ABTB2: variants seen among roughly 807,000 people sequenced by gnomAD.
ABTB2 encodes the protein ankyrin repeat and BTB/POZ domain-containing protein 2.
In ABTB2, 56 loss-of-function variants were observed where a neutral mutation model predicts 104.1. The observed-to-expected ratio is 0.54, with a 90% confidence interval of 0.43 to 0.67. ABTB2 has a LOEUF of 0.67. ABTB2 is among the 30% of genes least tolerant of loss of function. ABTB2 has a pLI of 0.00. For synonymous variants in ABTB2, 606 were observed against 608.2 expected, an observed-to-expected ratio of 1.00 and a Z score of 0.05; for missense variants, 1,279 against 1,407.7, an observed-to-expected ratio of 0.91 and a Z score of 1.46.
intron 1 of ABTB2, among the ~76,000 whole-genome samples, chr11:34,237,757 G>C (rs147319025): frequency 6.6e-6 from 1 of 152,290 alleles, no homozygotes; most frequent in East Asian, 1.9e-4. Context: ...TGGGCATAGT[G>C]GTGGGCGCCT....
intron 10 of ABTB2, among the ~76,000 whole-genome samples, chr11:34,162,267 C>T (rs1238701825): frequency 2.0e-5 from 3 of 152,228 alleles, no homozygotes; most frequent in South Asian, 2.1e-4. Flanking sequence ...TGCTCGACAT[C>T]CCTGGGCTGT....
At chr11:34,188,758 C>T (rs1249738100) in intron 3 of ABTB2, among the ~76,000 whole-genome samples, 3 of 152,216 alleles carry the variant, frequency 2.0e-5, no homozygotes, top group Non-Finnish European at 2.9e-5. Context: ...AAAACACTTT[C>T]GCAAGCTGAG....
chr11:34,227,738 T>G (rs533878776), intron 1 of ABTB2, among the ~76,000 whole-genome samples: 34 of 152,294 alleles, frequency 2.2e-4, no homozygotes, highest in African/African-American at 7.5e-4. Flanking sequence ...TTTTCTTCTT[T>G]TTTTTTATTT....
At chr11:34,335,625 A>G in intron 1 of ABTB2, 4 of 1,500,556 alleles carry the variant, frequency 2.7e-6, no homozygotes, top group Non-Finnish European at 3.7e-6. Context: ...CAACAGGTGC[A>G]TCATTACCCT....
chr11:34,337,697 G>T (rs1454869161), intron 1 of ABTB2, among the ~76,000 whole-genome samples: 1 of 152,100 alleles, frequency 6.6e-6, no homozygotes, highest in Non-Finnish European at 1.5e-5. Flanking sequence ...GCTGTAGTGA[G>T]GATTCCACAA....
At chr11:34,156,115 C>G (rs1442550599) in intron 14 of ABTB2, among the ~76,000 whole-genome samples, 2 of 152,220 alleles carry the variant, frequency 1.3e-5, no homozygotes, top group Non-Finnish European at 2.9e-5. Context: ...CCCTTCCTGG[C>G]CTGGAAGGCT....
chr11:34,324,945 G>T (rs1343613017), intron 1 of ABTB2, among the ~76,000 whole-genome samples: 1 of 152,160 alleles, frequency 6.6e-6, no homozygotes, highest in Admixed American at 6.5e-5. Flanking sequence ...CACTGATTCG[G>T]TCACAGTTAG....
intron 1 of ABTB2, among the ~76,000 whole-genome samples, chr11:34,273,948 C>G (rs1281451428): frequency 6.6e-6 from 1 of 150,994 alleles, no homozygotes; most frequent in Non-Finnish European, 1.5e-5. Context: ...GTCAGGAGAT[C>G]GAGACCATCC....
intron 1 of ABTB2, among the ~76,000 whole-genome samples, chr11:34,332,256 A>ATT (rs2133117482): frequency 7.5e-6 from 1 of 132,906 alleles, no homozygotes; most frequent in African/African-American, 3.0e-5. Flanking sequence ...CACATCACAA[A>ATT]TTTGGAGCAT....
intron 1 of ABTB2, among the ~76,000 whole-genome samples, chr11:34,211,615 C>CA (rs1853480750): frequency 6.6e-6 from 1 of 152,010 alleles, no homozygotes; most frequent in East Asian, 1.9e-4. Context: ...ATAATCAAGC[C>CA]AGGCGTGGTG....
chr11:34,311,229 G>C (rs571895798), intron 1 of ABTB2, among the ~76,000 whole-genome samples: 14 of 152,212 alleles, frequency 9.2e-5, no homozygotes, highest in African/African-American at 3.4e-4. Flanking sequence ...CCTCCTAAGA[G>C]CTGCCACCTG....
chr11:34,289,543 C>T (rs911696972), intron 1 of ABTB2, among the ~76,000 whole-genome samples: 1 of 152,124 alleles, frequency 6.6e-6, no homozygotes, highest in Non-Finnish European at 1.5e-5. Flanking sequence ...TACTTGTAAG[C>T]AGCAGAGTTG....
intron 1 of ABTB2, among the ~76,000 whole-genome samples, chr11:34,239,019 C>T (rs1853880553): frequency 1.3e-5 from 2 of 152,184 alleles, no homozygotes; most frequent in African/African-American, 2.4e-5. Context: ...TCCCAGAGTG[C>T]TGGGATTACA....
intron 2 of ABTB2, among the ~76,000 whole-genome samples, chr11:34,197,810 T>C (rs1378718795): frequency 6.6e-6 from 1 of 152,190 alleles, no homozygotes; most frequent in Non-Finnish European, 1.5e-5. Context: ...GGTTTCTTTT[T>C]TGACATCCCC....
rs139024941 is a variant in ABTB2, at chr11:34,182,746, G to T, written c.1245-9439C>A. ...ACAATCAGGGCCTTCAGGAGTAATAGAAAAATGCAAACAGCTAACATTTCT... is the reference window on the plus strand; with the variant it reads ...ACAATCAGGGCCTTCAGGAGTAATATAAAAATGCAAACAGCTAACATTTCT... On this transcript the variant is annotated intron_variant, in intron 3 of 16. Coordinates refer to ENST00000435224, the MANE Select transcript of ABTB2 (RefSeq NM_145804.3). 3.4e-3 allele frequency among the ~76,000 whole-genome samples: 518 copies of T among 152,142 alleles called. 2 individuals carry two copies. Among genetic ancestry groups the T allele is most frequent in the African/African-American group, 0.012 (497 of 41,480 alleles).
intron 1 of ABTB2, among the ~76,000 whole-genome samples, chr11:34,289,458 A>C (rs75990470): frequency 6.6e-6 from 1 of 152,174 alleles, no homozygotes; most frequent in Non-Finnish European, 1.5e-5. Context: ...TGAAAACTCA[A>C]TTATCATTAT....
chr11:34,156,607 T>A (rs1852630966), intron 14 of ABTB2, among the ~76,000 whole-genome samples: 1 of 149,660 alleles, frequency 6.7e-6, no homozygotes, highest in Non-Finnish European at 1.5e-5. Context: ...CACCGCAACC[T>A]CCACCTCCTG....
chr11:34,339,072 A>T (rs998744903), intron 1 of ABTB2, among the ~76,000 whole-genome samples: 1 of 152,184 alleles, frequency 6.6e-6, no homozygotes, highest in Non-Finnish European at 1.5e-5. Flanking sequence ...TGTTTTATAT[A>T]CATTTTGCTA....
At position 34,162,576 on chromosome 11, in the gene ABTB2, C is replaced by A; in HGVS notation, c.2218G>T (p.Gly740Ter). The A allele has an allele frequency of 6.2e-7, 1 of 1,613,126 alleles. No homozygotes were observed. Among genetic ancestry groups the A allele is most frequent in the Non-Finnish European group, 8.5e-7 (1 of 1,179,712 alleles). The change falls in exon 10 of 17, where the codon GGA becomes TGA. Residue 740 changes from glycine to a stop codon, truncating the protein, a stop_gained and splice_region_variant. Coordinates refer to ENST00000435224, the MANE Select transcript of ABTB2 (RefSeq NM_145804.3). LOFTEE classifies it high-confidence loss of function. ...VDITMELRALGVPWKLHIWIE... is the reference protein window; with the variant it reads ...VDITMELRAL The stretch of plus-strand genomic sequence containing the variant: ...GGTGTGCATGCCCGTGAGGCCTCAC[C>A]CAGTGCCCTCAGCTCCATGGTGATG...
Sources: allele counts gnomAD v4.1 joint callset (sites outside exome capture counted in the v4.1 genomes callset), GRCh38; gene constraint gnomAD v4.1.1; transcripts MANE v1.5; gene names NCBI Gene and HGNC (gene_info 2026-07-23, HGNC 2026-07-21).